Variants in SDC2 observed in about 807,000 individuals in gnomAD.
The protein encoded by SDC2 is syndecan 2, also known as syndecan-2.
A neutral mutation model predicts 22.2 loss-of-function variants in SDC2; 13 were observed. The ratio of observed to expected loss-of-function variants is 0.59; its 90% CI spans 0.38 to 0.93. SDC2 has a LOEUF of 0.93. Among genes scored for constraint, SDC2 ranks in the 40% least tolerant of loss-of-function variants. SDC2 has a pLI of 0.00. For synonymous variants in SDC2, 94 were observed against 92.8 expected (o/e 1.01, Z -0.07); for missense variants, 235 against 246.8 (o/e 0.95, Z 0.32).
intron 1 of SDC2, among the ~76,000 whole-genome samples, chr8:96,531,140 G>A (rs1486744447): frequency 1.3e-5 from 2 of 152,204 alleles, no homozygotes; most frequent in Non-Finnish European, 2.9e-5. Flanking sequence ...TTTTACAGAT[G>A]AGACACATCT....
chr8:96,608,188 A>G (rs950636647), intron 3 of SDC2, 147 bp from the exon 4 acceptor site: 6 of 700,214 alleles, frequency 8.6e-6, no homozygotes, highest in Admixed American at 5.8e-5. Context: ...ACCCATTGCT[A>G]TAAACATCAC....
At chr8:96,580,029 A>G (rs1814564360) in intron 1 of SDC2, among the ~76,000 whole-genome samples, 2 of 152,208 alleles carry the variant, frequency 1.3e-5, no homozygotes, top group Non-Finnish European at 2.9e-5. Context: ...GCTTTTGTAA[A>G]GGATTTAAAA....
At chr8:96,500,643 C>T (rs555106761) in intron 1 of SDC2, among the ~76,000 whole-genome samples, 4 of 119,464 alleles carry the variant, frequency 3.3e-5, no homozygotes, top group Non-Finnish European at 6.4e-5. Context: ...GCCTGGGCGA[C>T]AGAGTGAGAC....
chr8:96,589,178 A>G (rs576257747), intron 1 of SDC2, among the ~76,000 whole-genome samples: 102 of 152,316 alleles, frequency 6.7e-4, no homozygotes, highest in African/African-American at 2.4e-3. Context: ...GGCCTAAATC[A>G]CCATCGCTGT....
At chr8:96,543,961 C>T (rs1369934802) in intron 1 of SDC2, among the ~76,000 whole-genome samples, 2 of 152,074 alleles carry the variant, frequency 1.3e-5, no homozygotes, top group Admixed American at 6.6e-5. Flanking sequence ...CAGAAATTAT[C>T]GATTGTATTC....
At chr8:96,517,121 T>C (rs1813413293) in intron 1 of SDC2, among the ~76,000 whole-genome samples, 1 of 152,202 alleles carries the variant, frequency 6.6e-6, no homozygotes, top group African/African-American at 2.4e-5. Context: ...GTCTGTCCTT[T>C]TGATTACAAT....
At chr8:96,576,620 C>T (rs1288119504) in intron 1 of SDC2, among the ~76,000 whole-genome samples, 1 of 146,584 alleles carries the variant, frequency 6.8e-6, no homozygotes, top group African/African-American at 2.5e-5. Flanking sequence ...GGGGTTTCAC[C>T]GTTTTAGCCG....
At chr8:96,581,518 G>A (rs1029972137) in intron 1 of SDC2, among the ~76,000 whole-genome samples, 4 of 152,214 alleles carry the variant, frequency 2.6e-5, no homozygotes, top group African/African-American at 9.6e-5. Flanking sequence ...TGTAATCCCA[G>A]CTACTTGAGA....
intron 1 of SDC2, among the ~76,000 whole-genome samples, chr8:96,565,328 G>A (rs903918591): frequency 6.6e-6 from 1 of 150,998 alleles, no homozygotes; most frequent in Non-Finnish European, 1.5e-5. Flanking sequence ...CTCGTGATCT[G>A]CCCGCCTCAG....
At chr8:96,500,621 C>T (rs941969291) in intron 1 of SDC2, among the ~76,000 whole-genome samples, 2 of 139,084 alleles carry the variant, frequency 1.4e-5, no homozygotes, top group African/African-American at 5.6e-5. Context: ...GAGATCATGC[C>T]ATGGCACTGC....
chr8:96,578,618 AG>A (rs1814541495), intron 1 of SDC2, among the ~76,000 whole-genome samples: 1 of 152,194 alleles, frequency 6.6e-6, no homozygotes, highest in South Asian at 2.1e-4. Context: ...TGTTTGCTGA[AG>A]AACAGTTGCT....
intron 4 of SDC2, 148 bp from the exon 5 acceptor site, chr8:96,609,237 G>C (rs1815135582): frequency 1.8e-6 from 1 of 552,458 alleles, no homozygotes; most frequent in South Asian, 3.9e-5. Flanking sequence ...ATAGTTACCA[G>C]GTTGCTTCAT....
At chr8:96,599,358 A>C (rs12114801) in intron 2 of SDC2, among the ~76,000 whole-genome samples, 52,073 of 152,024 alleles carry the variant, frequency 0.34, 11,146 homozygotes, top group Non-Finnish European at 0.48. Flanking sequence ...CTCTTGTGAA[A>C]CAAGAGGGTC....
At chr8:96,582,396 C>G (rs1163071768) in intron 1 of SDC2, among the ~76,000 whole-genome samples, 2 of 152,170 alleles carry the variant, frequency 1.3e-5, no homozygotes, top group Admixed American at 6.5e-5. Flanking sequence ...CCCTACCGTT[C>G]AGAACAGTTT....
intron 1 of SDC2, among the ~76,000 whole-genome samples, chr8:96,566,668 ATAAT>A (rs1285948949): frequency 2.0e-5 from 3 of 150,290 alleles, no homozygotes; most frequent in Non-Finnish European, 3.0e-5. Flanking sequence ...TTTTTATTAA[ATAAT>A]TTTTTATTTT....
At chr8:96,537,971 T>G (rs2130503878) in intron 1 of SDC2, among the ~76,000 whole-genome samples, 1 of 152,344 alleles carries the variant, frequency 6.6e-6, no homozygotes, top group East Asian at 1.9e-4. Context: ...TTTGTTTGTT[T>G]GTTTGTTTTT....
In SDC2 at chr8:96,576,379, G is replaced by GTTTTT. The variant is rs1365620450; in HGVS notation, c.61-17097_61-17096insTTTTT. Among the ~76,000 whole-genome samples the GTTTTT allele has an allele frequency of 1.0e-3, 48 of 47,566 alleles. 3 individuals carry two copies. Among genetic ancestry groups the GTTTTT allele is most frequent in the African/African-American group, 2.9e-3 (35 of 12,096 alleles). The allele number at this position is 47,566 out of a possible 152,430, so 31.2% of individuals were successfully genotyped here. A position where few individuals can be genotyped will look rare whatever the true frequency, so the allele number is the denominator to read the frequency against. On this transcript the variant is annotated intron_variant, in intron 1 of 4. Transcript: ENST00000302190. ...ATAATTGGTAGTTTGTTTTTGTTTTGTTTTGTTTTTTTTTACCAGATTTGC... is the reference window on the plus strand; with the variant it reads ...ATAATTGGTAGTTTGTTTTTGTTTTGTTTTTTTTTGTTTTTTTTTACCAGATTTGC...
chr8:96,562,870 T>A (rs1424153869), intron 1 of SDC2, among the ~76,000 whole-genome samples: 2 of 151,986 alleles, frequency 1.3e-5, no homozygotes, highest in African/African-American at 4.8e-5. Context: ...CAAGGTGAAT[T>A]TAGTGACAGG....
chr8:96,546,072 T>C (rs1444096563), intron 1 of SDC2, among the ~76,000 whole-genome samples: 2 of 152,206 alleles, frequency 1.3e-5, no homozygotes, highest in Non-Finnish European at 2.9e-5. Context: ...TGTAAACTGT[T>C]AAGGAATTGC....
Sources: allele counts gnomAD v4.1 joint callset (sites outside exome capture counted in the v4.1 genomes callset), GRCh38; gene constraint gnomAD v4.1.1; transcripts MANE v1.5; gene names NCBI Gene and HGNC (gene_info 2026-07-23, HGNC 2026-07-21).